The following ERBB4 variants were observed in gnomAD, a reference collection of about 807,000 sequenced individuals.
ERBB4 encodes the protein receptor tyrosine-protein kinase erbB-4.
ERBB4 carries 42 observed loss-of-function variants against 158.0 expected under a neutral mutation model. That is an observed-to-expected ratio of 0.27 (90% CI 0.21 to 0.34). The LOEUF is 0.34. Among genes scored for constraint, ERBB4 ranks in the 10% least tolerant of loss-of-function variants. ERBB4 has a pLI of 1.00. For synonymous variants in ERBB4, 583 were observed against 558.7 expected, an observed-to-expected ratio of 1.04 and a Z score of -0.61; for missense variants, 1,333 against 1,624.1, an observed-to-expected ratio of 0.82 and a Z score of 3.08.
intron 1 of ERBB4, among the ~76,000 whole-genome samples, chr2:212,527,502 G>T (rs1229938097): frequency 2.0e-5 from 3 of 151,978 alleles, no homozygotes; most frequent in African/African-American, 7.3e-5. Flanking sequence ...TAATGGAAGA[G>T]CAATATTCCT....
chr2:211,563,032 A>C (rs2067449441), intron 19 of ERBB4, among the ~76,000 whole-genome samples: 1 of 152,088 alleles, frequency 6.6e-6, no homozygotes, highest in African/African-American at 2.4e-5. Flanking sequence ...CGGCCTCCCA[A>C]AGTGTACTCC....
chr2:211,584,656 T>C (rs979730685), intron 19 of ERBB4, among the ~76,000 whole-genome samples: 1 of 152,018 alleles, frequency 6.6e-6, no homozygotes, highest in Non-Finnish European at 1.5e-5. Context: ...TTACATACTA[T>C]ATATGAATAA....
chr2:211,665,569 T>TAACTA, intron 14 of ERBB4, 92 bp from the exon 15 acceptor site: 4 of 1,225,322 alleles, frequency 3.3e-6, no homozygotes, highest in Non-Finnish European at 4.7e-6. Context: ...GAGACTTCAG[T>TAACTA]AGGTGGCAAA....
chr2:211,901,498 G>T (rs1405782817), intron 3 of ERBB4, among the ~76,000 whole-genome samples: 2 of 152,048 alleles, frequency 1.3e-5, no homozygotes, highest in East Asian at 3.9e-4. Context: ...CCTTCTGCAA[G>T]CATTACCCAC....
intron 5 of ERBB4, among the ~76,000 whole-genome samples, chr2:211,747,236 T>G (rs1268176902): frequency 6.6e-6 from 1 of 152,180 alleles, no homozygotes; most frequent in Non-Finnish European, 1.5e-5. Flanking sequence ...ATTAACATTT[T>G]TATTTGTACT....
At chr2:211,769,053 T>A (rs6733063) in intron 4 of ERBB4, among the ~76,000 whole-genome samples, 4,178 of 152,232 alleles carry the variant, frequency 0.027, 202 homozygotes, top group African/African-American at 0.097. Flanking sequence ...ACCCTAGTCA[T>A]ATCTTGAATG....
chr2:211,714,459 T>C (rs1434579974), intron 7 of ERBB4, among the ~76,000 whole-genome samples: 1 of 152,190 alleles, frequency 6.6e-6, no homozygotes, highest in East Asian at 1.9e-4. Flanking sequence ...AGAAACGGCA[T>C]ATGATGTATA....
rs201537326 is a variant in ERBB4, at chr2:211,987,700, C to CA, written c.235-40085dup. ...CTAAAGAAAGTGAGACTGGAACAGG[C>CA]AAAAAAAATGCAATTGTTTCTCATT... On this transcript the variant is annotated intron_variant, in intron 2 of 27. Transcript: ENST00000342788. Among the ~76,000 whole-genome samples the CA allele has an allele frequency of 7.7e-4, 116 of 151,368 alleles. No individual in the cohort carries two copies. In the East Asian group the frequency reaches 0.015, roughly 20 times the overall value.
chr2:211,611,943 G>GA (rs2069216434), intron 19 of ERBB4, among the ~76,000 whole-genome samples: 1 of 152,060 alleles, frequency 6.6e-6, no homozygotes. Flanking sequence ...GCATGCATAG[G>GA]AAAAAATCTT....
chr2:212,157,570 G>A (rs1482085433), intron 1 of ERBB4, among the ~76,000 whole-genome samples: 12 of 151,962 alleles, frequency 7.9e-5, no homozygotes, highest in African/African-American at 2.7e-4. Flanking sequence ...AAAAGACTGG[G>A]TTTTTTTGAA....
At chr2:211,788,585 G>T (rs1182270731) in intron 3 of ERBB4, among the ~76,000 whole-genome samples, 1 of 151,978 alleles carries the variant, frequency 6.6e-6, no homozygotes, top group African/African-American at 2.4e-5. Context: ...AAATTAAATG[G>T]TAATTATTTA....
At chr2:211,988,614 T>C (rs1159401399) in intron 2 of ERBB4, among the ~76,000 whole-genome samples, 1 of 152,072 alleles carries the variant, frequency 6.6e-6, no homozygotes, top group Non-Finnish European at 1.5e-5. Context: ...CAATTGAAGA[T>C]GGGAATAAGA....
intron 1 of ERBB4, among the ~76,000 whole-genome samples, chr2:212,163,517 G>A (rs1392267239): frequency 6.6e-6 from 1 of 151,964 alleles, no homozygotes; most frequent in Non-Finnish European, 1.5e-5. Flanking sequence ...TCTTAGAACA[G>A]GTAATGAGAA....
intron 1 of ERBB4, among the ~76,000 whole-genome samples, chr2:212,210,729 C>A (rs2082909057): frequency 6.6e-6 from 1 of 152,068 alleles, no homozygotes; most frequent in South Asian, 2.1e-4. Context: ...GTTTTCCCTT[C>A]ACCACCTACT....
chr2:211,479,792 A>C (rs1264440565), intron 20 of ERBB4, among the ~76,000 whole-genome samples: 1 of 152,196 alleles, frequency 6.6e-6, no homozygotes, highest in Non-Finnish European at 1.5e-5. Flanking sequence ...TACTGGGGCA[A>C]AATATTTGGA....
At chr2:212,377,094 T>C in intron 1 of ERBB4, among the ~76,000 whole-genome samples, 1 of 151,700 alleles carries the variant, frequency 6.6e-6, no homozygotes, top group East Asian at 1.9e-4. Flanking sequence ...TTGGTGCCAC[T>C]GCTTAAGGCA....
At chr2:212,010,252 A>C (rs1026077538) in intron 2 of ERBB4, among the ~76,000 whole-genome samples, 10 of 152,158 alleles carry the variant, frequency 6.6e-5, no homozygotes, top group Non-Finnish European at 1.3e-4. Context: ...GGTATTATTT[A>C]CCTTTTAACC....
At chr2:211,962,032 A>G (rs983263748) in intron 2 of ERBB4, among the ~76,000 whole-genome samples, 2 of 152,078 alleles carry the variant, frequency 1.3e-5, no homozygotes, top group African/African-American at 4.8e-5. Context: ...TAGGGCACAT[A>G]GTGGGGTTTC....
At chr2:211,443,417 C>T (rs2064034376) in intron 20 of ERBB4, among the ~76,000 whole-genome samples, 1 of 152,008 alleles carries the variant, frequency 6.6e-6, no homozygotes, top group Non-Finnish European at 1.5e-5. Flanking sequence ...GGGCTTTGGG[C>T]TAAATGCTAT....
Sources: gnomAD v4.1 joint callset for allele counts (sites outside exome capture counted in the v4.1 genomes callset) on GRCh38, gnomAD v4.1.1 for gene constraint, MANE v1.5 for transcripts, NCBI Gene and HGNC (gene_info 2026-07-23, HGNC 2026-07-21) for gene names.